PLG: variants seen among roughly 807,000 people sequenced by gnomAD.
PLG encodes the protein plasminogen.
Under a neutral mutation model 104.4 loss-of-function variants are expected in PLG, and 41 were observed. The ratio of observed to expected loss-of-function variants is 0.39; its 90% CI spans 0.31 to 0.51. The LOEUF is 0.51. Among genes scored for constraint, PLG ranks in the 20% least tolerant of loss-of-function variants. The probability of loss-of-function intolerance (pLI) is 0.76; values close to 1 mark genes in which losing one functional copy is unlikely to be tolerated. For missense variants in PLG, 891 were observed against 1,003.6 expected, an observed-to-expected ratio of 0.89 and a Z score of 1.52; for synonymous variants, 337 against 357.1, an observed-to-expected ratio of 0.94 and a Z score of 0.63.
chr6:160,734,030 C>A lies in PLG; in HGVS notation c.1623C>A (p.Pro541=), dbSNP rs1187013475. 2 of 1,611,180 alleles carry A rather than the reference C, an allele frequency of 1.2e-6. No homozygotes were observed. Among genetic ancestry groups the A allele is most frequent in the South Asian group, 2.2e-5 (2 of 91,038 alleles). The change falls in exon 13 of 19, where the codon CCC becomes CCA. Residue 541 remains proline, a synonymous_variant. Coordinates refer to ENST00000308192, the MANE Select transcript of PLG (RefSeq NM_000301.5). The surrounding 1 kb of genome is among the most constrained non-coding windows in gnomAD (Gnocchi z 4.4). ...ACCCTGATGGTGATGTAGGTGGTCC[C>A]TGGTGCTACACGACAAATCCAAGAA... is the stretch of plus-strand genomic sequence containing the variant. The part of the protein sequence containing the change: ...CRNPDGDVGG[P]WCYTTNPRKL...
At chr6:160,747,662 G>A (rs1023331631) in intron 17 of PLG, among the ~76,000 whole-genome samples, 6 of 152,180 alleles carry the variant, frequency 3.9e-5, no homozygotes, top group African/African-American at 7.2e-5. Flanking sequence ...ATTTAAAAAC[G>A]AATGGTCTAG....
chr6:160,748,374 A>AAGAGAGAGAGAGAGGG, intron 17 of PLG, among the ~76,000 whole-genome samples: 1 of 55,376 alleles, frequency 1.8e-5, no homozygotes, highest in South Asian at 8.8e-4. Context: ...GAAAGAAAGA[A>AAGAGAGAGAGAGAGGG]AGAAAGAAAG....
chr6:160,727,962 G>A (rs563297655), intron 10 of PLG, among the ~76,000 whole-genome samples: 1 of 151,314 alleles, frequency 6.6e-6, no homozygotes, highest in African/African-American at 2.4e-5. Context: ...CAAAAAGAGA[G>A]GAAAAAAAGG....
chr6:160,714,418 C>T (rs1173008594), intron 5 of PLG, among the ~76,000 whole-genome samples: 1 of 152,058 alleles, frequency 6.6e-6, no homozygotes, highest in Non-Finnish European at 1.5e-5. Flanking sequence ...ATGAAGATGC[C>T]AAATATTGAA....
chr6:160,718,619 G>A (rs1777783011), intron 8 of PLG, 74 bp from the exon 9 acceptor site: 10 of 1,507,806 alleles, frequency 6.6e-6, no homozygotes, highest in South Asian at 4.5e-5. Flanking sequence ...TTCCCGTAAC[G>A]GTTGTTCTCA....
At chr6:160,718,937 A>G (rs1416137945) in intron 9 of PLG, 99 bp downstream of exon 9, 1 of 1,083,592 alleles carries the variant, frequency 9.2e-7, no homozygotes, top group Non-Finnish European at 1.4e-6. Flanking sequence ...TGTAAGTTTA[A>G]TGCTATTGTG....
chr6:160,724,222 A>C lies in PLG; in HGVS notation c.1256+1655A>C, dbSNP rs962619466. Among the ~76,000 whole-genome samples, 1 of 152,212 alleles carries C rather than the reference A, an allele frequency of 6.6e-6. No homozygotes were observed. Among genetic ancestry groups the C allele is most frequent in the African/African-American group, 2.4e-5 (1 of 41,468 alleles). Reference sequence around the variant, plus strand: ...TATCATAATTGTGTTCAAGGATTTAAATAAAACATGAACATGGAAGAAACA... The same window carrying C: ...TATCATAATTGTGTTCAAGGATTTACATAAAACATGAACATGGAAGAAACA... On this transcript the variant is annotated intron_variant, in intron 10 of 18. Coordinates refer to ENST00000308192, the MANE Select transcript of PLG (RefSeq NM_000301.5). The surrounding 1 kb of genome is among the most constrained non-coding windows in gnomAD (Gnocchi z 5.0).
chr6:160,736,038 T>G lies in PLG; in HGVS notation c.1682-849T>G, dbSNP rs888324160. 2.6e-5 allele frequency among the ~76,000 whole-genome samples: 4 copies of G among 152,246 alleles called. No individual in the cohort carries two copies. Among genetic ancestry groups the G allele is most frequent in the Non-Finnish European group, 5.9e-5 (4 of 68,038 alleles). Reference sequence around the variant, plus strand: ...AATTTCCTCTTACAGTTGTTACTAATAATTGTATGAACAATTATTTAAAAT... The same window carrying G: ...AATTTCCTCTTACAGTTGTTACTAAGAATTGTATGAACAATTATTTAAAAT... On this transcript the variant is annotated intron_variant, in intron 13 of 18. Transcript: ENST00000308192. The surrounding 1 kb of genome is among the most constrained non-coding windows in gnomAD (Gnocchi z 5.2).
rs574783808 is a variant in PLG at position 160,754,073 on chromosome 6, T to C, written c.*1012T>C. 3.9e-5 allele frequency among the ~76,000 whole-genome samples: 6 copies of C among 152,244 alleles called. No homozygotes were observed. Among genetic ancestry groups the C allele is most frequent in the Non-Finnish European group, 8.8e-5 (6 of 68,038 alleles). On this transcript the variant is annotated 3_prime_UTR_variant, in exon 19 of 19. Transcript: ENST00000308192. This position sits in a 1 kb window ranked among gnomAD's most constrained non-coding sequence, Gnocchi z 4.9. ...CCTCAAAGAGCTGTGTTTATTTCATTGACAAATAGATTATTTGTATTCAAT... is the reference window on the plus strand; with the variant it reads ...CCTCAAAGAGCTGTGTTTATTTCATCGACAAATAGATTATTTGTATTCAAT...
In PLG at chr6:160,753,488, T is replaced by A. The variant is rs563192670; in HGVS notation, c.*427T>A. ...CTCATCAGCTAACGAGGGCTTGACA[T>A]GCATTTTTACTGTCTTTATTCCTGA... On this transcript the variant is annotated 3_prime_UTR_variant, in exon 19 of 19. Transcript: ENST00000308192. The surrounding 1 kb of genome is among the most constrained non-coding windows in gnomAD (Gnocchi z 5.4). Among the ~76,000 whole-genome samples, 1 of 152,202 alleles carries A rather than the reference T, an allele frequency of 6.6e-6. No homozygotes were observed. Among genetic ancestry groups the A allele is most frequent in the Non-Finnish European group, 1.5e-5 (1 of 68,042 alleles).
chr6:160,716,617 G>A, intron 6 of PLG, 28 bp from the exon 7 acceptor site: 2 of 1,225,356 alleles, frequency 1.6e-6, no homozygotes, highest in South Asian at 2.4e-5. Flanking sequence ...AATGTTCAGT[G>A]CTACTAAAAT....
chr6:160,709,143 G>A (rs1219287864), intron 3 of PLG, among the ~76,000 whole-genome samples: 21 of 152,096 alleles, frequency 1.4e-4, no homozygotes, highest in Admixed American at 1.3e-3. Flanking sequence ...GGGAGCAAAA[G>A]GTTATATAAA....
chr6:160,711,692 A>G (rs1405964813), intron 4 of PLG: 2 of 1,610,388 alleles, frequency 1.2e-6, no homozygotes, highest in Admixed American at 1.7e-5. Context: ...GACCTAGAAC[A>G]TAGAAGAATG....
At chr6:160,709,539 C>T (rs1777597734) in intron 3 of PLG, among the ~76,000 whole-genome samples, 1 of 152,164 alleles carries the variant, frequency 6.6e-6, no homozygotes, top group Non-Finnish European at 1.5e-5. Context: ...TCTACACTGG[C>T]CTTACTTCTG....
At chr6:160,707,627 T>C in intron 2 of PLG, 73 bp from the exon 3 acceptor site, 1 of 1,420,274 alleles carries the variant, frequency 7.0e-7, no homozygotes, top group Non-Finnish European at 9.9e-7. Context: ...TTAGCATGTC[T>C]CACTTATTAA....
Position 160,748,370 on chromosome 6 carries a change from A to AAGAGAGAGAGAG in PLG, c.2126-3742_2126-3741insGAGAGAGAGAGA, listed in dbSNP as rs1346113408. Among the ~76,000 whole-genome samples, 124 of 41,386 alleles carry AAGAGAGAGAGAG rather than the reference A, an allele frequency of 3.0e-3. 2 individuals carry two copies. In the East Asian group the frequency reaches 0.17, roughly 57 times the overall value. The allele number at this position is 41,386 out of a possible 152,430, so 27.2% of individuals were successfully genotyped here. The stretch of plus-strand genomic sequence containing the variant: ...AGAAAGAGAAAGAAAGAAAGAAAGA[A>AAGAGAGAGAGAG]AGAAAGAAAGAAAGAAAGAAAGAAA... On this transcript the variant is annotated intron_variant, in intron 17 of 18. Transcript: ENST00000308192.
At chr6:160,733,649 G>A (rs1778037846) in intron 12 of PLG, among the ~76,000 whole-genome samples, 1 of 151,992 alleles carries the variant, frequency 6.6e-6, no homozygotes, top group African/African-American at 2.4e-5. Flanking sequence ...AGACTAGCCT[G>A]GCCAAAATGG....
intron 17 of PLG, among the ~76,000 whole-genome samples, chr6:160,743,593 TGTCA>T (rs1778230436): frequency 1.3e-5 from 2 of 152,236 alleles, no homozygotes; most frequent in Admixed American, 6.5e-5. Flanking sequence ...CATAGAGTCA[TGTCA>T]TCTGCCAACA....
intron 12 of PLG, among the ~76,000 whole-genome samples, chr6:160,733,183 C>G (rs1445511435): frequency 1.3e-5 from 2 of 152,216 alleles, no homozygotes; most frequent in South Asian, 4.1e-4. Context: ...TCTTATTCTA[C>G]CACAGTGTCA....
Sources: allele counts gnomAD v4.1 joint callset (sites outside exome capture counted in the v4.1 genomes callset), GRCh38; gene constraint gnomAD v4.1.1; non-coding constraint Gnocchi (gnomAD v3.1); transcripts MANE v1.5; gene names NCBI Gene and HGNC (gene_info 2026-07-23, HGNC 2026-07-21).